Variants in AKT3 observed in about 807,000 individuals in gnomAD.
AKT3 encodes the protein RAC-gamma serine/threonine-protein kinase.
Under a neutral mutation model 65.3 loss-of-function variants are expected in AKT3, and 15 were observed. The ratio of observed to expected loss-of-function variants is 0.23; its 90% CI spans 0.15 to 0.35. The LOEUF (loss-of-function observed/expected upper bound fraction) is 0.35, where lower values mean the gene tolerates loss of function less well. Ranked by LOEUF, AKT3 falls within the 10% of genes least tolerant of loss-of-function variation. The pLI, the probability that AKT3 is intolerant of heterozygous loss-of-function variation, is 1.00. For missense variants in AKT3, 243 were observed against 576.5 expected (o/e 0.42, Z 5.92); for synonymous variants, 206 against 183.8 (o/e 1.12, Z -0.98).
intron 2 of AKT3, among the ~76,000 whole-genome samples, chr1:243,770,977 TG>T (rs1553449142): frequency 6.6e-6 from 1 of 151,928 alleles, no homozygotes; most frequent in Admixed American, 6.6e-5. Context: ...AAAAGATATA[TG>T]GGGGGAGGAG....
chr1:243,729,026 T>C (rs1283851178), intron 2 of AKT3, among the ~76,000 whole-genome samples: 2 of 152,120 alleles, frequency 1.3e-5, no homozygotes, highest in African/African-American at 2.4e-5. Context: ...CTGAATGATA[T>C]TAAGAGATGG....
intron 2 of AKT3, among the ~76,000 whole-genome samples, chr1:243,776,341 G>A (rs1408576003): frequency 6.6e-6 from 1 of 152,190 alleles, no homozygotes; most frequent in African/African-American, 2.4e-5. Flanking sequence ...AAATCCGTAT[G>A]TTGAAACGCT....
chr1:243,538,077 A>T (rs900067357), intron 12 of AKT3, among the ~76,000 whole-genome samples: 1 of 152,188 alleles, frequency 6.6e-6, no homozygotes, highest in Non-Finnish European at 1.5e-5. Flanking sequence ...AGCATTTTCA[A>T]CCACTTTAAA....
intron 2 of AKT3, among the ~76,000 whole-genome samples, chr1:243,728,896 T>C (rs1341914046): frequency 2.6e-5 from 4 of 152,116 alleles, no homozygotes; most frequent in Non-Finnish European, 4.4e-5. Flanking sequence ...TGGAGTCACA[T>C]GGCCCTCCAA....
At chr1:243,838,577 T>G (rs1424784064) in intron 2 of AKT3, among the ~76,000 whole-genome samples, 1 of 152,318 alleles carries the variant, frequency 6.6e-6, no homozygotes, top group East Asian at 1.9e-4. Flanking sequence ...AATTGTTTTC[T>G]GTAACAACTT....
At chr1:243,736,404 C>T (rs1687844513) in intron 2 of AKT3, among the ~76,000 whole-genome samples, 1 of 151,988 alleles carries the variant, frequency 6.6e-6, no homozygotes, top group African/African-American at 2.4e-5. Flanking sequence ...ACATAAAAGG[C>T]CTTAAATGGC....
intron 1 of AKT3, among the ~76,000 whole-genome samples, chr1:243,848,726 T>A (rs1695618977): frequency 1.3e-5 from 2 of 152,346 alleles, no homozygotes; most frequent in South Asian, 4.2e-4. Context: ...AAAGCCATTA[T>A]TTTTTACTTT....
At chr1:243,816,058 A>AAT (rs1489076809) in intron 2 of AKT3, among the ~76,000 whole-genome samples, 4 of 152,200 alleles carry the variant, frequency 2.6e-5, no homozygotes, top group Admixed American at 6.5e-5. Context: ...AATTGCAGAC[A>AAT]ATATGTTAGC....
At chr1:243,647,910 GTTCTA>G (rs1203167214) in intron 4 of AKT3, among the ~76,000 whole-genome samples, 5 of 152,060 alleles carry the variant, frequency 3.3e-5, no homozygotes, top group South Asian at 4.1e-4. Flanking sequence ...AATCAACTAA[GTTCTA>G]TTCTATTTCT....
At chr1:243,637,534 C>T in intron 6 of AKT3, 77 bp downstream of exon 6, 9 of 1,249,556 alleles carry the variant, frequency 7.2e-6, no homozygotes, top group African/African-American at 1.5e-5. Context: ...CATACATTAG[C>T]ATGTAAATTC....
chr1:243,837,342 C>A (rs185208847), intron 2 of AKT3, among the ~76,000 whole-genome samples: 2 of 152,196 alleles, frequency 1.3e-5, no homozygotes, highest in East Asian at 3.9e-4. Flanking sequence ...AATCTTCCCA[C>A]AAAGAAAGCT....
chr1:243,698,023 G>A (rs561356691), intron 2 of AKT3, among the ~76,000 whole-genome samples: 8 of 151,918 alleles, frequency 5.3e-5, no homozygotes, highest in South Asian at 2.1e-4. Flanking sequence ...GAAAAAAGAC[G>A]GCCCTAATAT....
intron 2 of AKT3, among the ~76,000 whole-genome samples, chr1:243,747,637 A>C (rs1034567301): frequency 9.9e-5 from 15 of 152,236 alleles, no homozygotes; most frequent in Admixed American, 3.9e-4. Context: ...TTCAATGAAC[A>C]GACCAAAATG....
intron 12 of AKT3, among the ~76,000 whole-genome samples, chr1:243,524,825 T>C (rs142499959): frequency 1.3e-5 from 2 of 152,042 alleles, no homozygotes; most frequent in Non-Finnish European, 2.9e-5. Context: ...ATGAAAACAA[T>C]CTAAAGGTTC....
chr1:243,819,284 C>G (rs1208295354), intron 2 of AKT3, among the ~76,000 whole-genome samples: 1 of 152,200 alleles, frequency 6.6e-6, no homozygotes, highest in African/African-American at 2.4e-5. Context: ...ACTGTAGCTC[C>G]AGTTGGCCGT....
At position 243,596,429 on chromosome 1, in the gene AKT3, T is replaced by C. The variant is rs185811897; in HGVS notation, c.696+17242A>G. ...ATGAACAACCGAATAATAGGTGAAA[T>C]ATTTGAATAGACAGGTCACAAAAGT... On this transcript the variant is annotated intron_variant, in intron 8 of 13. Coordinates refer to ENST00000673466, the MANE Select transcript of AKT3 (RefSeq NM_005465.7). Among the ~76,000 whole-genome samples the C allele has an allele frequency of 7.2e-5, 11 of 152,274 alleles. No homozygotes were observed. The East Asian group carries it at 1.9e-3, about 27-fold the overall frequency.
intron 2 of AKT3, among the ~76,000 whole-genome samples, chr1:243,768,165 A>AAT (rs1004912697): frequency 6.6e-6 from 1 of 150,464 alleles, no homozygotes; most frequent in African/African-American, 2.4e-5. Context: ...ACATATATAT[A>AAT]ATATATATAT....
intron 2 of AKT3, among the ~76,000 whole-genome samples, chr1:243,772,480 CAAT>C: frequency 2.0e-5 from 3 of 152,316 alleles, no homozygotes; most frequent in Middle Eastern, 6.8e-3. Context: ...ATCAAAACCA[CAAT>C]GAGATATCAT....
chr1:243,519,925 A>G (rs998113205), intron 12 of AKT3, among the ~76,000 whole-genome samples: 1 of 152,212 alleles, frequency 6.6e-6, no homozygotes, highest in Non-Finnish European at 1.5e-5. Flanking sequence ...AGTGTCTTGA[A>G]CTTGACGGAG....
Sources: allele counts gnomAD v4.1 joint callset (sites outside exome capture counted in the v4.1 genomes callset), GRCh38; gene constraint gnomAD v4.1.1; transcripts MANE v1.5; gene names NCBI Gene and HGNC (gene_info 2026-07-23, HGNC 2026-07-21).